RFC2: variants seen among roughly 807,000 people sequenced by gnomAD.
RFC2 encodes A1 40 kDa subunit.
Under a neutral mutation model 44.8 loss-of-function variants are expected in RFC2, and 34 were observed. The observed-to-expected ratio is 0.76, with a 90% CI of 0.58 to 1.01. The LOEUF is 1.01. Among genes scored for constraint, RFC2 ranks in the 50% least tolerant of loss-of-function variants. The probability of loss-of-function intolerance (pLI) is 0.00; values close to 1 mark genes in which losing one functional copy is unlikely to be tolerated. For synonymous variants in RFC2, 177 were observed against 168.9 expected, an observed-to-expected ratio of 1.05 and a Z score of -0.37; for missense variants, 400 against 453.6, an observed-to-expected ratio of 0.88 and a Z score of 1.07.
At chr7:74,239,253 G>A (rs1200629156) in intron 7 of RFC2, among the ~76,000 whole-genome samples, 1 of 144,688 alleles carries the variant, frequency 6.9e-6, no homozygotes, top group Non-Finnish European at 1.5e-5. Flanking sequence ...TCGAGTCACT[G>A]CAATCTCCGT....
intron 3 of RFC2, among the ~76,000 whole-genome samples, chr7:74,249,380 A>C (rs1358064970): frequency 6.6e-6 from 1 of 152,070 alleles, no homozygotes; most frequent in African/African-American, 2.4e-5. Flanking sequence ...GTCTCTACTA[A>C]AAATACAAAA....
Position 74,243,241 on chromosome 7 carries a change from G to T in RFC2, c.440C>A (p.Thr147Asn). The T allele has an allele frequency of 6.2e-7, 1 of 1,611,640 alleles. No homozygotes were observed. The highest frequency in any genetic ancestry group is 8.5e-7 in the Non-Finnish European group (1 of 1,178,056). Reference protein sequence around the residue: ...IIILDEADSMTDGAQQALRRT... With the variant: ...IIILDEADSMNDGAQQALRRT... ...CCTCAAGGCTTGCTGGGCTCCGTCG[G>T]TCATGCTGAGAAGAAAAACACAAGT... is the stretch of plus-strand genomic sequence containing the variant. The change falls in exon 6 of 11, where the codon ACC (threonine) becomes AAC (asparagine). Residue 147 changes from threonine (T) to asparagine (N), a missense_variant. Physicochemically the swap from Thr to Asn is moderately conservative, Grantham distance 65. Coordinates refer to ENST00000055077, the MANE Select transcript of RFC2 (RefSeq NM_181471.3).
In RFC2 at chr7:74,241,815, C is replaced by T. The variant is rs1383501166; in HGVS notation, c.535+1331G>A. 6.6e-5 allele frequency among the ~76,000 whole-genome samples: 10 copies of T among 152,166 alleles called. No individual in the cohort carries two copies. The South Asian group carries it at 2.1e-3, about 32-fold the overall frequency. The stretch of plus-strand genomic sequence containing the variant: ...TCTCTAAGAAAAATACAAAAATTAG[C>T]CTGGCATGGTGGCACATGCCTGTAA... On this transcript the variant is annotated intron_variant, in intron 6 of 10. Transcript: ENST00000055077.
Position 74,238,883 on chromosome 7 carries a change from C to T in RFC2, c.759+40G>A. On this transcript the variant is annotated intron_variant, in intron 8 of 10. Transcript: ENST00000055077. The surrounding 1 kb of genome is among the most constrained non-coding windows in gnomAD (Gnocchi z 4.0). ...CCCCACTGGCCCCCACAGGGAAGCA[C>T]GGCTTCTGCTGACAGTACCACCCAC... is the stretch of plus-strand genomic sequence containing the variant. The T allele has an allele frequency of 1.3e-6, 2 of 1,546,822 alleles. No individual in the cohort carries two copies. Among genetic ancestry groups the T allele is most frequent in the South Asian group, 2.2e-5 (2 of 89,712 alleles).
In RFC2 at chr7:74,240,304, C is replaced by T. The variant is rs576207118; in HGVS notation, c.536-209G>A. Among the ~76,000 whole-genome samples the T allele has an allele frequency of 1.9e-3, 288 of 152,136 alleles. 1 individual carries two copies. Among genetic ancestry groups the T allele is most frequent in the Middle Eastern group, 0.017 (5 of 292 alleles). ...ATCACTTGAGGACAGGAGTTTGAGA[C>T]CAGCCTGGACAACATGGTGAAACCC... is the stretch of plus-strand genomic sequence containing the variant. On this transcript the variant is annotated intron_variant, in intron 6 of 10. Coordinates refer to ENST00000055077, the MANE Select transcript of RFC2 (RefSeq NM_181471.3).
At chr7:74,243,361 A>C in intron 5 of RFC2, 115 bp from the exon 6 acceptor site, 1 of 711,536 alleles carries the variant, frequency 1.4e-6, no homozygotes, top group Non-Finnish European at 2.5e-6. Flanking sequence ...TGAGGGTCTC[A>C]TTGGAAGTAC....
intron 5 of RFC2, among the ~76,000 whole-genome samples, chr7:74,245,882 G>A (rs1285389983): frequency 2.0e-5 from 3 of 151,758 alleles, no homozygotes; most frequent in Admixed American, 6.6e-5. Context: ...CCAACATGGC[G>A]AAACCCCATC....
intron 4 of RFC2, among the ~76,000 whole-genome samples, chr7:74,247,859 C>CTAGG (rs1335920446): frequency 6.6e-6 from 1 of 152,188 alleles, no homozygotes; most frequent in African/African-American, 2.4e-5. Context: ...GGGACTGGTG[C>CTAGG]TAGGCCCTTC....
At chr7:74,248,969 T>G in intron 4 of RFC2, 43 bp downstream of exon 4, 2 of 1,383,228 alleles carry the variant, frequency 1.4e-6, no homozygotes, top group Non-Finnish European at 2.1e-6. Context: ...CAATTCTCAA[T>G]GCAGAGCACC....
intron 5 of RFC2, among the ~76,000 whole-genome samples, chr7:74,245,649 C>T (rs1554719877): frequency 6.8e-6 from 1 of 148,110 alleles, no homozygotes; most frequent in African/African-American, 2.5e-5. Context: ...GAAGGTGGAG[C>T]TTGCAGTGAG....
rs41548312 is a variant in RFC2 at position 74,249,121 on chromosome 7, G to A, written c.226-3C>T. On this transcript the variant is annotated splice_region_variant and splice_polypyrimidine_tract_variant and intron_variant, in intron 3 of 10. Transcript: ENST00000055077. ...GTCTTGCCGGTTCCTGGAGGGCCCT[G>A]GGAATGAGATCTCCAGTAAAGACTT... is the stretch of plus-strand genomic sequence containing the variant. 0.012 allele frequency: 19,887 copies of A among 1,613,746 alleles called. 195 individuals carry two copies. The highest frequency in any genetic ancestry group is 0.013 in the Non-Finnish European group (15,183 of 1,179,782).
At chr7:74,232,835 A>T (rs1802803630) in intron 10 of RFC2, among the ~76,000 whole-genome samples, 1 of 152,232 alleles carries the variant, frequency 6.6e-6, no homozygotes, top group South Asian at 2.1e-4. Context: ...ACTGCACTCC[A>T]GCCTGGGCAA....
intron 10 of RFC2, among the ~76,000 whole-genome samples, chr7:74,233,292 C>T (rs1298491922): frequency 6.6e-6 from 1 of 152,180 alleles, no homozygotes; most frequent in Non-Finnish European, 1.5e-5. Flanking sequence ...GCGGGAGGAT[C>T]ACTTGAGCCC....
intron 9 of RFC2, 35 bp downstream of exon 9, chr7:74,237,327 G>A (rs1463458605): frequency 1.4e-5 from 21 of 1,490,068 alleles, no homozygotes; most frequent in African/African-American, 5.5e-5. Context: ...AGAAGTGAGC[G>A]GTTCCTCTGC....
At chr7:74,252,339 G>A (rs1209811211) in intron 2 of RFC2, 90 bp downstream of exon 2, 14 of 712,100 alleles carry the variant, frequency 2.0e-5, no homozygotes, top group Admixed American at 8.7e-5. Flanking sequence ...CCCGGGAGGC[G>A]GAGCTTGCAG....
chr7:74,243,144 A>T lies in RFC2; in HGVS notation c.535+2T>A, dbSNP rs373378059. 1.1e-4 allele frequency: 174 copies of T among 1,606,508 alleles called. No individual in the cohort carries two copies. Among genetic ancestry groups the T allele is most frequent in the Non-Finnish European group, 1.2e-4 (143 of 1,173,352 alleles). On this transcript the variant is annotated splice_donor_variant, in intron 6 of 10. Coordinates refer to ENST00000055077, the MANE Select transcript of RFC2 (RefSeq NM_181471.3). LOFTEE classifies it high-confidence loss of function. ...CCCCAGCCACCGAAAGCTCCCACTC[A>T]CCGATGATCTTATCCGAAGCATTAC...
intron 9 of RFC2, 131 bp from the exon 10 acceptor site, chr7:74,235,776 CAGAT>C: frequency 3.0e-6 from 2 of 662,210 alleles, no homozygotes; most frequent in Non-Finnish European, 2.7e-6. Context: ...ATTTTCATGG[CAGAT>C]AGAGAGATAA....
chr7:74,251,016 A>G (rs1786907418), intron 2 of RFC2, among the ~76,000 whole-genome samples: 1 of 152,048 alleles, frequency 6.6e-6, no homozygotes, highest in Non-Finnish European at 1.5e-5. Context: ...TGAACTCCTG[A>G]CCTTAGGTGA....
At chr7:74,250,795 T>TA (rs1194274627) in intron 2 of RFC2, among the ~76,000 whole-genome samples, 5 of 148,318 alleles carry the variant, frequency 3.4e-5, no homozygotes, top group African/African-American at 1.2e-4. Flanking sequence ...TATTAAAACA[T>TA]TTTTTTTTTT....
Sources: allele counts gnomAD v4.1 joint callset (sites outside exome capture counted in the v4.1 genomes callset), GRCh38; gene constraint gnomAD v4.1.1; non-coding constraint Gnocchi (gnomAD v3.1); transcripts MANE v1.5; gene names NCBI Gene and HGNC (gene_info 2026-07-23, HGNC 2026-07-21).